ZNF385D: variants seen among roughly 807,000 people sequenced by gnomAD.
The protein encoded by ZNF385D is zinc finger protein 385D.
ZNF385D carries 15 observed loss-of-function variants against 35.8 expected under a neutral mutation model. That is an observed-to-expected ratio of 0.42 (90% CI 0.28 to 0.64). The LOEUF is 0.64. ZNF385D is among the 30% of genes least tolerant of loss of function. The pLI, the probability that ZNF385D is intolerant of heterozygous loss-of-function variation, is 0.23. For synonymous variants in ZNF385D, 212 were observed against 186.8 expected, an observed-to-expected ratio of 1.13 and a Z score of -1.10; for missense variants, 474 against 494.6, an observed-to-expected ratio of 0.96 and a Z score of 0.39.
At chr3:21,842,380 A>G (rs939949713) in intron 3 of ZNF385D, among the ~76,000 whole-genome samples, 2 of 151,978 alleles carry the variant, frequency 1.3e-5, no homozygotes, top group African/African-American at 4.8e-5. Flanking sequence ...TTTGATTTCT[A>G]TCAGATCTGA....
chr3:22,031,270 C>G (rs1320723188), intron 3 of ZNF385D, among the ~76,000 whole-genome samples: 2 of 152,196 alleles, frequency 1.3e-5, no homozygotes, highest in Non-Finnish European at 2.9e-5. Context: ...TCTGTGGGGG[C>G]TCCAAGCCCA....
intron 2 of ZNF385D, among the ~76,000 whole-genome samples, chr3:22,175,793 C>A (rs1694787802): frequency 6.6e-6 from 1 of 150,900 alleles, no homozygotes; most frequent in South Asian, 2.1e-4. Context: ...TTTTATGCAT[C>A]ATATTTGGAA....
At chr3:21,636,360 ATGAT>A (rs1448545177) in intron 2 of ZNF385D, among the ~76,000 whole-genome samples, 1 of 131,614 alleles carries the variant, frequency 7.6e-6, no homozygotes, top group Non-Finnish European at 1.6e-5. Flanking sequence ...ATGATTATAT[ATGAT>A]TATATATATA....
intron 3 of ZNF385D, among the ~76,000 whole-genome samples, chr3:22,048,087 T>G (rs990423460): frequency 1.5e-4 from 23 of 152,156 alleles, no homozygotes; most frequent in African/African-American, 4.8e-4. Context: ...TTAATCAGGT[T>G]ATTTGTTTAC....
intron 3 of ZNF385D, among the ~76,000 whole-genome samples, chr3:21,807,089 A>G (rs2072684877): frequency 1.3e-5 from 2 of 152,222 alleles, no homozygotes; most frequent in Admixed American, 6.5e-5. Flanking sequence ...GAACAGTGCC[A>G]TCCAGTAAAA....
At chr3:21,487,511 C>G (rs1705121627) in intron 4 of ZNF385D, among the ~76,000 whole-genome samples, 1 of 152,028 alleles carries the variant, frequency 6.6e-6, no homozygotes, top group African/African-American at 2.4e-5. Flanking sequence ...ATTGTCAATC[C>G]TATGTATTTA....
chr3:22,109,569 G>T (rs1429498748), intron 3 of ZNF385D, among the ~76,000 whole-genome samples: 2 of 152,182 alleles, frequency 1.3e-5, no homozygotes, highest in African/African-American at 4.8e-5. Context: ...CTCAGATGAA[G>T]AAGTGAAGGT....
intron 3 of ZNF385D, among the ~76,000 whole-genome samples, chr3:21,778,909 G>T (rs909440843): frequency 1.3e-5 from 2 of 151,868 alleles, no homozygotes; most frequent in African/African-American, 4.8e-5. Context: ...TGAGGACCAG[G>T]TCCTATTAAT....
intron 2 of ZNF385D, among the ~76,000 whole-genome samples, chr3:21,593,219 T>G (rs2064033727): frequency 6.6e-6 from 1 of 152,164 alleles, no homozygotes. Context: ...CTATCTGTCC[T>G]TAAAGGAAGG....
At chr3:22,145,209 G>T (rs1311376772) in intron 3 of ZNF385D, among the ~76,000 whole-genome samples, 2 of 152,172 alleles carry the variant, frequency 1.3e-5, no homozygotes, top group South Asian at 2.1e-4. Flanking sequence ...TTATGGATAT[G>T]TTCTCTCTAT....
chr3:22,141,663 C>CT lies in ZNF385D; in HGVS notation c.325+27153dup, dbSNP rs1176953865. Among the ~76,000 whole-genome samples, 4 of 143,404 alleles carry CT rather than the reference C, an allele frequency of 2.8e-5. No homozygotes were observed. The East Asian group carries it at 7.8e-4, about 28-fold the overall frequency. The allele number at this position is 143,404 out of a possible 152,430, so 94.1% of individuals were successfully genotyped here. A position where few individuals can be genotyped will look rare whatever the true frequency, so the allele number is the denominator to read the frequency against. On this transcript the variant is annotated intron_variant, in intron 3 of 5. Transcript: ENST00000494108. The stretch of plus-strand genomic sequence containing the variant: ...AGGTTAAGAACCAAAAGCACCGCCC[C>CT]TGGGGGAGGAGGAGGAGGAGGGTAG...
At chr3:21,607,267 G>C (rs907245629) in intron 2 of ZNF385D, among the ~76,000 whole-genome samples, 2 of 151,966 alleles carry the variant, frequency 1.3e-5, no homozygotes, top group African/African-American at 4.8e-5. Flanking sequence ...GTTTAGTTGG[G>C]GAAAGTTTGC....
chr3:21,679,011 C>G (rs185635962), intron 1 of ZNF385D, among the ~76,000 whole-genome samples: 1 of 151,876 alleles, frequency 6.6e-6, no homozygotes. Flanking sequence ...CACCCACCCC[C>G]CAACCCCATC....
intron 3 of ZNF385D, among the ~76,000 whole-genome samples, chr3:22,024,855 C>T (rs905719819): frequency 6.6e-6 from 1 of 152,076 alleles, no homozygotes; most frequent in East Asian, 1.9e-4. Context: ...ATTCTGTCTC[C>T]CAGCTTCAGA....
rs551399400 is a variant in ZNF385D, at chr3:21,636,713, A to G, written c.165+28173T>C. ...TCCCAGCCCACTGACTCAAATGTTA[A>G]TCTCCTTTGGCAACACCCTCGCAGA... is the stretch of plus-strand genomic sequence containing the variant. On this transcript the variant is annotated intron_variant, in intron 2 of 7. Transcript: ENST00000281523. Among the ~76,000 whole-genome samples the G allele has an allele frequency of 2.7e-3, 405 of 151,780 alleles. 1 individual carries two copies. The highest frequency in any genetic ancestry group is 4.4e-3 in the Non-Finnish European group (302 of 67,898).
intron 3 of ZNF385D, among the ~76,000 whole-genome samples, chr3:21,533,896 A>G (rs1030539235): frequency 6.6e-6 from 1 of 152,106 alleles, no homozygotes; most frequent in Non-Finnish European, 1.5e-5. Flanking sequence ...GAAATATCAG[A>G]CCTCTAGCAA....
intron 3 of ZNF385D, among the ~76,000 whole-genome samples, chr3:21,953,586 C>G (rs780566622): frequency 1.3e-5 from 2 of 152,000 alleles, no homozygotes; most frequent in Non-Finnish European, 2.9e-5. Flanking sequence ...AATAGGGTAG[C>G]TTCCAGGAAA....
intron 4 of ZNF385D, among the ~76,000 whole-genome samples, chr3:21,451,946 T>C (rs1300233970): frequency 1.3e-5 from 2 of 152,048 alleles, no homozygotes; most frequent in Non-Finnish European, 2.9e-5. Context: ...AAGAGCTAAG[T>C]ATTAAAAATT....
chr3:21,977,195 G>A (rs950586625), intron 3 of ZNF385D, among the ~76,000 whole-genome samples: 4 of 152,052 alleles, frequency 2.6e-5, no homozygotes, highest in African/African-American at 4.8e-5. Context: ...GGCTGCTAGG[G>A]GTGTTGGTAA....
Sources: gnomAD v4.1 joint callset for allele counts (sites outside exome capture counted in the v4.1 genomes callset) on GRCh38, gnomAD v4.1.1 for gene constraint, MANE v1.5 for transcripts, NCBI Gene and HGNC (gene_info 2026-07-23, HGNC 2026-07-21) for gene names.